C17orf78: variants seen among roughly 807,000 people sequenced by gnomAD.
C17orf78 encodes the protein uncharacterized protein C17orf78.
In C17orf78, 27 loss-of-function variants were observed where a neutral mutation model predicts 31.8. The ratio of observed to expected loss-of-function variants is 0.85; its 90% CI spans 0.63 to 1.17. The LOEUF (loss-of-function observed/expected upper bound fraction) is 1.17, where lower values mean the gene tolerates loss of function less well. Ranked by LOEUF, C17orf78 falls within the 50% of genes most tolerant of loss-of-function variation. The probability of loss-of-function intolerance (pLI) is 0.00; values close to 1 mark genes in which losing one functional copy is unlikely to be tolerated. For synonymous variants in C17orf78, 106 were observed against 115.1 expected (o/e 0.92, Z 0.51); for missense variants, 258 against 315.2 (o/e 0.82, Z 1.37).
intron 3 of C17orf78, 104 bp from the exon 4 acceptor site, chr17:37,385,905 A>G: frequency 1.4e-6 from 1 of 734,028 alleles, no homozygotes; most frequent in Non-Finnish European, 2.2e-6. Context: ...TAATGGGACC[A>G]CAATTGGAAG....
chr17:37,378,030 T>C, intron 2 of C17orf78, 65 bp downstream of exon 2: 4 of 1,395,434 alleles, frequency 2.9e-6, no homozygotes, highest in Non-Finnish European at 4.1e-6. Flanking sequence ...CTTTAAAAGA[T>C]ATCTCATCTT....
At chr17:37,390,197 ATATATATAATTATATATTTAT>A (rs2050749864) in intron 6 of C17orf78, among the ~76,000 whole-genome samples, 1 of 81,114 alleles carries the variant, frequency 1.2e-5, no homozygotes, top group African/African-American at 5.9e-5. Context: ...TTATATATAA[ATATATATAATTATATATTTAT>A]TATATATAAT....
chr17:37,388,043 T>C (rs2050625877), intron 4 of C17orf78: 1 of 152,134 alleles, frequency 6.6e-6, no homozygotes, highest in South Asian at 2.1e-4. Flanking sequence ...CGTTCGCCTG[T>C]GGTCTGAGCT....
At chr17:37,383,698 A>T (rs1237786718) in intron 3 of C17orf78, among the ~76,000 whole-genome samples, 1 of 152,154 alleles carries the variant, frequency 6.6e-6, no homozygotes, top group African/African-American at 2.4e-5. Context: ...CAGCACCACC[A>T]TGCCCAGCTA....
chr17:37,381,803 A>AT (rs752238693), intron 3 of C17orf78, among the ~76,000 whole-genome samples: 15 of 151,260 alleles, frequency 9.9e-5, no homozygotes, highest in African/African-American at 2.2e-4. Context: ...AATTTTTTGT[A>AT]TTTTTGGTAG....
rs2050930728 is a variant in C17orf78 at position 37,392,657 on chromosome 17, T to C, written c.*933T>C. ...CTAAGAAATTCTGTTTTCTTAGTTC[T>C]CTGGTTAAAAAAAAAAATACATAAA... On this transcript the variant is annotated 3_prime_UTR_variant, in exon 7 of 7. Coordinates refer to ENST00000615133, the MANE Select transcript of C17orf78 (RefSeq NM_173625.5). 6.6e-6 allele frequency: 1 copy of C among 151,796 alleles called. No homozygotes were observed. The highest frequency in any genetic ancestry group is 6.6e-5 in the Admixed American group (1 of 15,260). 9.4% of individuals were successfully genotyped at this position (151,796 alleles called of 1,614,324 possible).
chr17:37,391,344 T>A (rs2050876110), intron 6 of C17orf78, among the ~76,000 whole-genome samples: 1 of 152,218 alleles, frequency 6.6e-6, no homozygotes, highest in African/African-American at 2.4e-5. Context: ...TACTCATACT[T>A]AAGTTGAGGC....
At chr17:37,390,262 A>G (rs2050771506) in intron 6 of C17orf78, among the ~76,000 whole-genome samples, 1 of 52,300 alleles carries the variant, frequency 1.9e-5, no homozygotes, top group Admixed American at 3.7e-4. Flanking sequence ...ATTATATATA[A>G]TTATATATAA....
chr17:37,386,160 A>T, intron 4 of C17orf78, 35 bp downstream of exon 4: 1 of 1,337,384 alleles, frequency 7.5e-7, no homozygotes, highest in Non-Finnish European at 1.0e-6. Flanking sequence ...CAAAGTACAG[A>T]ATAAGTAGGA....
chr17:37,384,506 A>G (rs574401718), intron 3 of C17orf78, among the ~76,000 whole-genome samples: 2 of 152,274 alleles, frequency 1.3e-5, no homozygotes, highest in East Asian at 3.9e-4. Context: ...GATCTTCACA[A>G]CACCCCTGTG....
chr17:37,382,091 C>T (rs1179144468), intron 3 of C17orf78, among the ~76,000 whole-genome samples: 2 of 151,924 alleles, frequency 1.3e-5, no homozygotes, highest in African/African-American at 4.8e-5. Flanking sequence ...TACTCAGTAT[C>T]TATATATATT....
rs150519807 is a variant in C17orf78 at position 37,381,721 on chromosome 17, G to A, written c.391+2339G>A. On this transcript the variant is annotated intron_variant, in intron 3 of 6. Coordinates refer to ENST00000615133, the MANE Select transcript of C17orf78 (RefSeq NM_173625.5). Reference sequence around the variant, plus strand: ...CAGCTCACTGCAAGCTCCGCCTCTCGGGTTCACGCCATTCTCCTGCCTCAG... The same window carrying A: ...CAGCTCACTGCAAGCTCCGCCTCTCAGGTTCACGCCATTCTCCTGCCTCAG... Among the ~76,000 whole-genome samples, 395 of 148,494 alleles carry A rather than the reference G, an allele frequency of 2.7e-3. 13 individuals carry two copies. The East Asian group carries it at 0.068, about 26-fold the overall frequency.
chr17:37,386,631 GA>G (rs755508445), intron 4 of C17orf78, among the ~76,000 whole-genome samples: 2 of 152,084 alleles, frequency 1.3e-5, no homozygotes, highest in African/African-American at 2.4e-5. Context: ...AAAGGTCCCA[GA>G]AATGTTTGTA....
At position 37,379,328 on chromosome 17, in the gene C17orf78, T is replaced by C. The variant is rs1251928924; in HGVS notation, c.337T>C (p.Cys113Arg). The C allele has an allele frequency of 3.7e-6, 6 of 1,613,892 alleles. No individual in the cohort carries two copies. Among genetic ancestry groups the C allele is most frequent in the Non-Finnish European group, 5.1e-6 (6 of 1,179,884 alleles). Residue 113 changes from cysteine (C) to arginine (R), a missense_variant, in exon 3 of 7, where the codon TGT becomes CGT. Cys to Arg is a radical substitution (Grantham distance 180). Coordinates refer to ENST00000615133, the MANE Select transcript of C17orf78 (RefSeq NM_173625.5). The part of the protein sequence containing the change: ...PRRNSSASSS[C>R]HLIPTSKFQT... Reference sequence around the variant, plus strand: ...CAGAAACAGCTCTGCCTCCTCAAGCTGTCACCTAATCCCCACATCCAAGTT... The same window carrying C: ...CAGAAACAGCTCTGCCTCCTCAAGCCGTCACCTAATCCCCACATCCAAGTT...
intron 3 of C17orf78, among the ~76,000 whole-genome samples, 174 bp from the exon 4 acceptor site, chr17:37,385,835 A>C (rs2050502050): frequency 6.6e-6 from 1 of 152,124 alleles, no homozygotes; most frequent in Non-Finnish European, 1.5e-5. Context: ...TAGTGTCTCT[A>C]TCCTCATTTA....
Position 37,379,354 on chromosome 17 carries a change from T to A in C17orf78, c.363T>A (p.Phe121Leu). The change falls in exon 3 of 7, where the codon TTT (phenylalanine) becomes TTA (leucine). Residue 121 changes from phenylalanine to leucine, a missense_variant. By Grantham distance (22) the Phe-to-Leu change is conservative. Transcript: ENST00000615133. ...SSCHLIPTSKFQTGSLLKGKA... is the reference protein window; with the variant it reads ...SSCHLIPTSKLQTGSLLKGKA... ...GTCACCTAATCCCCACATCCAAGTT[T>A]CAGACTGGATCTCTTCTAAAAGGCA... 6.2e-7 allele frequency: 1 copy of A among 1,613,950 alleles called. No individual in the cohort carries two copies. Among genetic ancestry groups the A allele is most frequent in the Non-Finnish European group, 8.5e-7 (1 of 1,179,884 alleles).
intron 2 of C17orf78, among the ~76,000 whole-genome samples, chr17:37,378,394 G>A (rs955763170): frequency 6.6e-6 from 1 of 152,180 alleles, no homozygotes; most frequent in Non-Finnish European, 1.5e-5. Flanking sequence ...AATGGAAATG[G>A]GTTAGCTTGG....
At position 37,391,567 on chromosome 17, in the gene C17orf78, T is replaced by G. The variant is rs931134531; in HGVS notation, c.751-80T>G. On this transcript the variant is annotated intron_variant, in intron 6 of 6. Coordinates refer to ENST00000615133, the MANE Select transcript of C17orf78 (RefSeq NM_173625.5). ...TTGGAATTACATGGGGTTTTGTACTTAGCCAGCCCTTTTCTTGGTACATGA... is the reference window on the plus strand; with the variant it reads ...TTGGAATTACATGGGGTTTTGTACTGAGCCAGCCCTTTTCTTGGTACATGA... 1.6e-5 allele frequency: 21 copies of G among 1,297,534 alleles called. No homozygotes were observed. The Admixed American group carries it at 3.6e-4, about 22-fold the overall frequency. 80.4% of individuals were successfully genotyped at this position (1,297,534 alleles called of 1,614,324 possible). A position where few individuals can be genotyped will look rare whatever the true frequency, so the allele number is the denominator to read the frequency against.
chr17:37,379,605 G>A (rs1454652411), intron 3 of C17orf78, among the ~76,000 whole-genome samples: 1 of 152,044 alleles, frequency 6.6e-6, no homozygotes, highest in African/African-American at 2.4e-5. Flanking sequence ...CCATCAAAAA[G>A]TGGGCAAAGG....
Sources: allele counts gnomAD v4.1 joint callset (sites outside exome capture counted in the v4.1 genomes callset), GRCh38; gene constraint gnomAD v4.1.1; transcripts MANE v1.5; gene names NCBI Gene and HGNC (gene_info 2026-07-23, HGNC 2026-07-21).